THRB: variants seen among roughly 807,000 people sequenced by gnomAD.
The protein encoded by THRB is thyroid hormone receptor beta, also known as nuclear receptor subfamily 1 group A member 2.
THRB carries 12 observed loss-of-function variants against 47.8 expected under a neutral mutation model. The observed-to-expected ratio is 0.25, with a 90% CI of 0.16 to 0.41. The LOEUF is 0.41. Among genes scored for constraint, THRB ranks in the 10% least tolerant of loss-of-function variants. The probability of loss-of-function intolerance (pLI) is 1.00; values close to 1 mark genes in which losing one functional copy is unlikely to be tolerated. For missense variants in THRB, 348 were observed against 589.2 expected (o/e 0.59, Z 4.24); for synonymous variants, 218 against 212.2 (o/e 1.03, Z -0.24).
chr3:24,336,590 T>A (rs114751517), intron 2 of THRB, among the ~76,000 whole-genome samples: 4,671 of 152,302 alleles, frequency 0.031, 88 homozygotes, highest in African/African-American at 0.051. Context: ...TCTGAATGGT[T>A]GCTTGATATG....
At chr3:24,253,176 T>C (rs1344726485) in intron 3 of THRB, among the ~76,000 whole-genome samples, 1 of 152,132 alleles carries the variant, frequency 6.6e-6, no homozygotes, top group Admixed American at 6.6e-5. Context: ...AATAGAGGCA[T>C]AAAATAAATA....
intron 3 of THRB, among the ~76,000 whole-genome samples, chr3:24,234,680 G>T (rs1559688035): frequency 6.6e-6 from 1 of 152,206 alleles, no homozygotes; most frequent in African/African-American, 2.4e-5. Flanking sequence ...GAACAAGAGG[G>T]ATACAAGATG....
At chr3:24,385,181 A>C (rs183709366) in intron 1 of THRB, among the ~76,000 whole-genome samples, 1 of 152,222 alleles carries the variant, frequency 6.6e-6, no homozygotes, top group East Asian at 1.9e-4. Context: ...TGTCCTAAAG[A>C]TGGGGCCCCA....
chr3:24,395,530 A>G (rs975087122), intron 1 of THRB, among the ~76,000 whole-genome samples: 1 of 152,096 alleles, frequency 6.6e-6, no homozygotes, highest in Admixed American at 6.6e-5. Flanking sequence ...GTTCAACTTG[A>G]TTTGCAGTAC....
At chr3:24,302,958 G>A (rs1226710607) in intron 2 of THRB, among the ~76,000 whole-genome samples, 2 of 152,134 alleles carry the variant, frequency 1.3e-5, no homozygotes, top group Non-Finnish European at 2.9e-5. Flanking sequence ...CAACAGCCTT[G>A]TCAAATATTC....
At chr3:24,364,569 T>C (rs2064317500) in intron 1 of THRB, among the ~76,000 whole-genome samples, 1 of 152,184 alleles carries the variant, frequency 6.6e-6, no homozygotes, top group Non-Finnish European at 1.5e-5. Flanking sequence ...TTGTTCTGTG[T>C]CACGTAGGTA....
intron 4 of THRB, among the ~76,000 whole-genome samples, chr3:24,216,872 A>T (rs2046619511): frequency 6.6e-6 from 1 of 152,180 alleles, no homozygotes; most frequent in African/African-American, 2.4e-5. Flanking sequence ...TTCATTATGC[A>T]TTGCTGAGTT....
intron 1 of THRB, among the ~76,000 whole-genome samples, chr3:24,400,790 G>A (rs970177059): frequency 1.3e-5 from 2 of 152,040 alleles, no homozygotes; most frequent in Non-Finnish European, 2.9e-5. Context: ...TCTGAAATCC[G>A]TGATTCATAT....
intron 1 of THRB, among the ~76,000 whole-genome samples, chr3:24,342,428 G>A (rs751519673): frequency 5.3e-5 from 8 of 152,096 alleles, no homozygotes; most frequent in Non-Finnish European, 8.8e-5. Flanking sequence ...CTGGGGTGGG[G>A]GTCATTCAGC....
intron 10 of THRB, among the ~76,000 whole-genome samples, chr3:24,125,469 T>G (rs554373564): frequency 6.6e-6 from 1 of 152,326 alleles, no homozygotes; most frequent in Admixed American, 6.5e-5. Context: ...CTAAAAAAAT[T>G]ACCATGAGTC....
chr3:24,237,710 C>T (rs1048069997), intron 3 of THRB, among the ~76,000 whole-genome samples: 4 of 152,098 alleles, frequency 2.6e-5, no homozygotes, highest in Admixed American at 6.6e-5. Flanking sequence ...TTAAGTGGGA[C>T]GTGCACACTT....
intron 2 of THRB, among the ~76,000 whole-genome samples, chr3:24,334,571 C>T (rs904150082): frequency 6.6e-6 from 1 of 152,148 alleles, no homozygotes; most frequent in African/African-American, 2.4e-5. Flanking sequence ...ATCTCATTTC[C>T]CCAGGCAATG....
chr3:24,339,166 A>G (rs2062456851), intron 1 of THRB, among the ~76,000 whole-genome samples: 2 of 152,168 alleles, frequency 1.3e-5, no homozygotes, highest in Admixed American at 1.3e-4. Context: ...ATTGGACCTC[A>G]ATATTTTTTT....
chr3:24,185,504 T>C (rs2042455864), intron 5 of THRB, among the ~76,000 whole-genome samples: 1 of 152,256 alleles, frequency 6.6e-6, no homozygotes, highest in African/African-American at 2.4e-5. Context: ...TAACTTGTTC[T>C]TAAAATTATT....
rs553162888 is a variant in THRB at position 24,301,072 on chromosome 3, G to T, written c.-188-3701C>A. On this transcript the variant is annotated intron_variant, in intron 2 of 10. Coordinates refer to ENST00000646209, the MANE Select transcript of THRB (RefSeq NM_001354712.2). The stretch of plus-strand genomic sequence containing the variant: ...CGGTGAGGGCCAGGTAAAGATGGAG[G>T]CAGAGACTGGAATTACACATTCATA... 2.6e-4 allele frequency among the ~76,000 whole-genome samples: 39 copies of T among 152,266 alleles called. No individual in the cohort carries two copies. In the South Asian group the frequency reaches 7.7e-3, roughly 30 times the overall value.
At chr3:24,162,784 G>T (rs1445407595) in intron 5 of THRB, among the ~76,000 whole-genome samples, 1 of 151,720 alleles carries the variant, frequency 6.6e-6, no homozygotes, top group African/African-American at 2.4e-5. Flanking sequence ...ACATTGGGTA[G>T]TGTAGCCTTC....
At chr3:24,361,727 C>T (rs2064082414) in intron 1 of THRB, among the ~76,000 whole-genome samples, 2 of 152,078 alleles carry the variant, frequency 1.3e-5, no homozygotes, top group South Asian at 4.1e-4. Flanking sequence ...ATTTGTTTGC[C>T]AGAGCTAATA....
At chr3:24,280,029 T>G (rs950947582) in intron 3 of THRB, among the ~76,000 whole-genome samples, 8 of 152,102 alleles carry the variant, frequency 5.3e-5, no homozygotes, top group African/African-American at 1.9e-4. Context: ...ACAAAAATGG[T>G]TACAAACACT....
rs138867962 is a variant in THRB, at chr3:24,331,550, T to C, written c.-189+5750A>G. Among the ~76,000 whole-genome samples, 268 of 152,318 alleles carry C rather than the reference T, an allele frequency of 1.8e-3. 3 individuals are homozygous for C. The highest frequency in any genetic ancestry group is 6.1e-3 in the African/African-American group (255 of 41,580). On this transcript the variant is annotated intron_variant, in intron 2 of 10. Transcript: ENST00000646209. Reference sequence around the variant, plus strand: ...TTCTTAGGGATACCAAAGTGTGAAATCATTGCTATTGGTGGTATGGAGCCC... The same window carrying C: ...TTCTTAGGGATACCAAAGTGTGAAACCATTGCTATTGGTGGTATGGAGCCC...
Sources: gnomAD v4.1 joint callset for allele counts (sites outside exome capture counted in the v4.1 genomes callset) on GRCh38, gnomAD v4.1.1 for gene constraint, MANE v1.5 for transcripts, NCBI Gene and HGNC (gene_info 2026-07-23, HGNC 2026-07-21) for gene names.